Variants in UTP20 observed in about 807,000 individuals in gnomAD.
UTP20 encodes the protein small subunit processome component 20 homolog.
In UTP20, 164 loss-of-function variants were observed where a neutral mutation model predicts 329.5. The ratio of observed to expected loss-of-function variants is 0.50; its 90% CI spans 0.44 to 0.57. UTP20 has a LOEUF of 0.57. Among genes scored for constraint, UTP20 ranks in the 20% least tolerant of loss-of-function variants. The pLI is 0.00. For missense variants in UTP20, 3,055 were observed against 3,284.2 expected, an observed-to-expected ratio of 0.93 and a Z score of 1.71; for synonymous variants, 1,151 against 1,159.3, an observed-to-expected ratio of 0.99 and a Z score of 0.14.
chr12:101,329,382 C>T lies in UTP20; in HGVS notation c.3350C>T (p.Pro1117Leu), dbSNP rs1186169759. 28 of 1,613,786 alleles carry T rather than the reference C, an allele frequency of 1.7e-5. No individual in the cohort carries two copies. Among genetic ancestry groups the T allele is most frequent in the Non-Finnish European group, 2.3e-5 (27 of 1,179,994 alleles). Residue 1117 changes from proline (P) to leucine (L), a missense_variant, in exon 27 of 62, where the codon CCG (proline) becomes CTG (leucine). Pro to Leu is a moderately conservative substitution (Grantham distance 98). Transcript: ENST00000261637. Reference sequence around the variant, plus strand: ...AGTCATCTGATCAGCGCATACCTGCCGAAGATTTTGCAGATACTGCTCTGT... The same window carrying T: ...AGTCATCTGATCAGCGCATACCTGCTGAAGATTTTGCAGATACTGCTCTGT... Reference protein sequence around the residue: ...NISHLISAYLPKILQILLCMT... With the variant: ...NISHLISAYLLKILQILLCMT...
chr12:101,296,053 A>C (rs1872337287), intron 12 of UTP20, among the ~76,000 whole-genome samples: 1 of 152,250 alleles, frequency 6.6e-6, no homozygotes, highest in South Asian at 2.1e-4. Context: ...CCATTGGTAC[A>C]TCTTGCATGA....
intron 38 of UTP20, among the ~76,000 whole-genome samples, chr12:101,347,472 G>A (rs945154824): frequency 9.2e-5 from 14 of 152,022 alleles, no homozygotes; most frequent in South Asian, 2.1e-4. Context: ...GCAGTGAGCC[G>A]AGATTACGCT....
At chr12:101,360,069 C>CT (rs1211984385) in intron 43 of UTP20, among the ~76,000 whole-genome samples, 1 of 152,124 alleles carries the variant, frequency 6.6e-6, no homozygotes, top group African/African-American at 2.4e-5. Flanking sequence ...ATGAGTAGCC[C>CT]TTTTTTTCTC....
intron 43 of UTP20, 132 bp from the exon 44 acceptor site, chr12:101,361,829 AT>A: frequency 1.4e-6 from 1 of 690,038 alleles, no homozygotes; most frequent in Non-Finnish European, 2.5e-6. Context: ...ACTATGTGTC[AT>A]TTGTCGAAGC....
At chr12:101,291,072 T>A (rs1872130640) in intron 8 of UTP20, 184 bp downstream of exon 8, 2 of 533,890 alleles carry the variant, frequency 3.7e-6, no homozygotes, top group Non-Finnish European at 6.0e-6. Context: ...TGATATGTTA[T>A]CTTGAGATGC....
At chr12:101,360,796 T>C (rs1565804394) in intron 43 of UTP20, among the ~76,000 whole-genome samples, 1 of 152,120 alleles carries the variant, frequency 6.6e-6, no homozygotes, top group Non-Finnish European at 1.5e-5. Context: ...ACCACTGCAC[T>C]CCAGCCTGGG....
intron 15 of UTP20, among the ~76,000 whole-genome samples, chr12:101,305,561 A>C (rs775567698): frequency 1.6e-4 from 23 of 147,858 alleles, no homozygotes; most frequent in Non-Finnish European, 3.3e-4. Context: ...ATTAAATATT[A>C]AATTTAATAT....
At position 101,342,470 on chromosome 12, in the gene UTP20, A is replaced by G; in HGVS notation, c.4126A>G (p.Thr1376Ala). 1 of 1,609,338 alleles carries G rather than the reference A, an allele frequency of 6.2e-7. No individual in the cohort carries two copies. The highest frequency in any genetic ancestry group is 8.5e-7 in the Non-Finnish European group (1 of 1,178,790). The change falls in exon 33 of 62, where the codon ACA becomes GCA. Residue 1376 changes from threonine to alanine, a missense_variant. By Grantham distance (58) the Thr-to-Ala change is moderately conservative. This residue lies in a region of UTP20 where 2,445 missense variants were observed against 2,575.5 expected (regional missense o/e 0.95). Coordinates refer to ENST00000261637, the MANE Select transcript of UTP20 (RefSeq NM_014503.3). ...AEDTEVDILVTVQNLLKHCVD... is the reference protein window; with the variant it reads ...AEDTEVDILVAVQNLLKHCVD... ...GGATACAGAGGTTGATATTCTGGTG[A>G]CAGTACAAAACTTGTTAAAGCATTG...
chr12:101,280,425 C>A, intron 1 of UTP20, 98 bp downstream of exon 1: 1 of 1,435,974 alleles, frequency 7.0e-7, no homozygotes, highest in Non-Finnish European at 9.5e-7. Context: ...ACTTCTGGGC[C>A]GAGTGTGTCA....
chr12:101,302,581 G>A (rs768719159), intron 15 of UTP20, 28 bp downstream of exon 15: 2 of 1,439,958 alleles, frequency 1.4e-6, no homozygotes, highest in East Asian at 4.6e-5. Flanking sequence ...AGTTGGTTTA[G>A]TAATGAATAA....
At chr12:101,284,953 A>G (rs937900975) in intron 2 of UTP20, among the ~76,000 whole-genome samples, 6 of 152,180 alleles carry the variant, frequency 3.9e-5, no homozygotes, top group East Asian at 1.9e-4. Flanking sequence ...GCATATCTTC[A>G]GTGTAGTTCT....
chr12:101,385,449 TTG>T, intron 60 of UTP20, 132 bp from the exon 61 acceptor site: 2 of 1,028,996 alleles, frequency 1.9e-6, no homozygotes, highest in Non-Finnish European at 2.8e-6. Flanking sequence ...AGTTGAAATT[TTG>T]TTTTGTTTTA....
intron 17 of UTP20, 53 bp from the exon 18 acceptor site, chr12:101,308,132 T>C: frequency 7.0e-7 from 1 of 1,436,166 alleles, no homozygotes; most frequent in Non-Finnish European, 9.2e-7. Flanking sequence ...ATGTTCTTTT[T>C]GGAAAATCAA....
At chr12:101,291,948 G>A (rs1319187163) in intron 9 of UTP20, 22 bp from the exon 10 acceptor site, 4 of 1,609,946 alleles carry the variant, frequency 2.5e-6, no homozygotes, top group Non-Finnish European at 3.4e-6. Flanking sequence ...TGCTGAGTAT[G>A]CATTGTTTTT....
Position 101,346,439 on chromosome 12 carries a change from T to TCTTAC in UTP20, c.4747-10_4747-6dup. The TCTTAC allele has an allele frequency of 6.3e-7, 1 of 1,575,866 alleles. No homozygotes were observed. Among genetic ancestry groups the TCTTAC allele is most frequent in the Non-Finnish European group, 8.6e-7 (1 of 1,166,782 alleles). ...TATTCGGTAACTAATTCATATTTTA[T>TCTTAC]CTTACCCATAGATCCACAGAAGAGC... On this transcript the variant is annotated splice_polypyrimidine_tract_variant and intron_variant, in intron 37 of 61. Transcript: ENST00000261637.
At chr12:101,356,059 A>T (rs1048817444) in intron 41 of UTP20, among the ~76,000 whole-genome samples, 92 of 152,322 alleles carry the variant, frequency 6.0e-4, no homozygotes, top group African/African-American at 2.2e-3. Context: ...CTCAAATTAG[A>T]TATTTGGTTT....
At chr12:101,361,905 T>A (rs7313312) in intron 43 of UTP20, 57 bp from the exon 44 acceptor site, 7 of 1,372,396 alleles carry the variant, frequency 5.1e-6, no homozygotes, top group Non-Finnish European at 7.3e-6. Flanking sequence ...CTAGATCTTA[T>A]GTTTTCCTAG....
At chr12:101,337,602 A>G (rs747923699) in intron 29 of UTP20, among the ~76,000 whole-genome samples, 14 of 152,182 alleles carry the variant, frequency 9.2e-5, no homozygotes, top group Non-Finnish European at 1.8e-4. Flanking sequence ...CCTAACTCCT[A>G]TGTTCTAGTA....
chr12:101,311,812 T>C lies in UTP20; in HGVS notation c.2311+14T>C. 1 of 1,597,486 alleles carries C rather than the reference T, an allele frequency of 6.3e-7. No homozygotes were observed. The highest frequency in any genetic ancestry group is 8.5e-7 in the Non-Finnish European group (1 of 1,174,770). ...CTACGCATGCTGGTATGTAAAGGGG[T>C]TGTGAGGAAGCTGCGAAGAAAAGTG... On this transcript the variant is annotated intron_variant, in intron 20 of 61. Transcript: ENST00000261637.
Sources: allele counts gnomAD v4.1 joint callset (sites outside exome capture counted in the v4.1 genomes callset), GRCh38; gene constraint gnomAD v4.1.1; regional missense constraint gnomAD v4.1.1; transcripts MANE v1.5; gene names NCBI Gene and HGNC (gene_info 2026-07-23, HGNC 2026-07-21).